Variants in MEGF9 observed in about 807,000 individuals in gnomAD.
The protein encoded by MEGF9 is multiple EGF like domains 9.
MEGF9 carries 6 observed loss-of-function variants against 46.8 expected under a neutral mutation model. The observed-to-expected ratio is 0.13, with a 90% CI of 0.07 to 0.25. MEGF9 has a LOEUF of 0.25. MEGF9 is among the 10% of genes least tolerant of loss of function. The probability of loss-of-function intolerance (pLI) is 1.00; values close to 1 mark genes in which losing one functional copy is unlikely to be tolerated. For synonymous variants in MEGF9, 302 were observed against 330.7 expected, an observed-to-expected ratio of 0.91 and a Z score of 0.94; for missense variants, 683 against 792.4, an observed-to-expected ratio of 0.86 and a Z score of 1.66.
intron 3 of MEGF9, among the ~76,000 whole-genome samples, chr9:120,618,531 C>T (rs901935203): frequency 3.9e-5 from 6 of 152,142 alleles, no homozygotes; most frequent in Admixed American, 2.0e-4. Context: ...TTAAGGGAAA[C>T]GTGCTTAATA....
intron 1 of MEGF9, among the ~76,000 whole-genome samples, chr9:120,685,405 T>C (rs1460793097): frequency 2.0e-5 from 3 of 152,196 alleles, no homozygotes; most frequent in South Asian, 2.1e-4. Context: ...GTCAATAATA[T>C]ATCAAAAAAG....
chr9:120,673,214 A>C (rs1299201555), intron 1 of MEGF9, among the ~76,000 whole-genome samples: 1 of 152,236 alleles, frequency 6.6e-6, no homozygotes, highest in African/African-American at 2.4e-5. Flanking sequence ...AAAACATGAA[A>C]AAAGAAACAA....
At chr9:120,670,046 T>C (rs1001701274) in intron 1 of MEGF9, among the ~76,000 whole-genome samples, 8 of 152,226 alleles carry the variant, frequency 5.3e-5, no homozygotes, top group Admixed American at 2.0e-4. Context: ...GTCTAGATTA[T>C]AGAAAAATAT....
At chr9:120,633,213 A>C (rs1324041889) in intron 2 of MEGF9, among the ~76,000 whole-genome samples, 1 of 152,114 alleles carries the variant, frequency 6.6e-6, no homozygotes, top group Non-Finnish European at 1.5e-5. Context: ...TATGAATGCA[A>C]CCAGTGGGCT....
intron 1 of MEGF9, among the ~76,000 whole-genome samples, chr9:120,661,234 G>C (rs2043700263): frequency 6.6e-6 from 1 of 152,096 alleles, no homozygotes; most frequent in South Asian, 2.1e-4. Flanking sequence ...CAAATAAATA[G>C]ACCAGGCAGT....
intron 2 of MEGF9, among the ~76,000 whole-genome samples, chr9:120,646,661 G>A (rs554912104): frequency 2.0e-5 from 3 of 151,800 alleles, no homozygotes; most frequent in Non-Finnish European, 2.9e-5. Context: ...TTGTGATGTG[G>A]GTCAATTTTT....
At chr9:120,708,395 A>C (rs929285158) in intron 1 of MEGF9, among the ~76,000 whole-genome samples, 2 of 152,170 alleles carry the variant, frequency 1.3e-5, no homozygotes, top group Non-Finnish European at 1.5e-5. Flanking sequence ...CAAACAAACA[A>C]AAATAAATAA....
chr9:120,628,720 CTT>C lies in MEGF9; in HGVS notation c.804-5967_804-5966del, dbSNP rs531478526. 1.2e-4 allele frequency among the ~76,000 whole-genome samples: 19 copies of C among 152,038 alleles called. No homozygotes were observed. In the South Asian group the frequency reaches 3.5e-3, roughly 28 times the overall value. On this transcript the variant is annotated intron_variant, in intron 2 of 5. Transcript: ENST00000373930. ...ACCTGATCTTTGCCCAGGAGGGAGA[CTT>C]TATTTTTATTATATTGGACAGTGGC...
At chr9:120,696,412 C>T (rs142380912) in intron 1 of MEGF9, among the ~76,000 whole-genome samples, 1,627 of 152,252 alleles carry the variant, frequency 0.011, 30 homozygotes, top group African/African-American at 0.034. Context: ...TGAAACCCTG[C>T]TTTGTGTATT....
rs2132293637 is a variant in MEGF9, at chr9:120,600,994, C to A, written c.*4196G>T. The A allele has an allele frequency of 6.6e-6, 1 of 152,654 alleles. No individual in the cohort carries two copies. The highest frequency in any genetic ancestry group is 2.4e-5 in the African/African-American group (1 of 41,524). 9.5% of individuals were successfully genotyped at this position (152,654 alleles called of 1,614,324 possible). A position where few individuals can be genotyped will look rare whatever the true frequency, so the allele number is the denominator to read the frequency against. On this transcript the variant is annotated 3_prime_UTR_variant, in exon 6 of 6. Transcript: ENST00000373930. ...TCTTGTATAAATTCTTTCATATATT[C>A]AAATCATACACAAATTTAGAAATGC...
intron 2 of MEGF9, among the ~76,000 whole-genome samples, chr9:120,656,501 C>T (rs1184798460): frequency 2.2e-5 from 3 of 134,098 alleles, no homozygotes; most frequent in East Asian, 4.6e-4. Context: ...GAGCCAAGAT[C>T]GTGCCACTGC....
chr9:120,641,436 T>C (rs2043602505), intron 2 of MEGF9, among the ~76,000 whole-genome samples: 2 of 152,170 alleles, frequency 1.3e-5, no homozygotes, highest in African/African-American at 4.8e-5. Context: ...GCTTATACAA[T>C]TCTCATAAAA....
chr9:120,680,836 C>T lies in MEGF9; in HGVS notation c.602-21261G>A, dbSNP rs2043795794. Reference sequence around the variant, plus strand: ...CACCACCACCACTGGTTCTGCCAGGCCACTGTCGATGTTCATTTAAGGCCC... The same window carrying T: ...CACCACCACCACTGGTTCTGCCAGGTCACTGTCGATGTTCATTTAAGGCCC... On this transcript the variant is annotated intron_variant, in intron 1 of 5. Transcript: ENST00000373930. Among the ~76,000 whole-genome samples the T allele has an allele frequency of 4.6e-5, 7 of 152,302 alleles. 1 individual carries two copies. In the South Asian group the frequency reaches 1.4e-3, roughly 32 times the overall value.
chr9:120,613,833 A>G (rs2043459583), intron 3 of MEGF9, among the ~76,000 whole-genome samples: 1 of 152,212 alleles, frequency 6.6e-6, no homozygotes, highest in Non-Finnish European at 1.5e-5. Context: ...TTACAAAGTA[A>G]GCTAACTACA....
chr9:120,633,128 C>A (rs1391048806), intron 2 of MEGF9, among the ~76,000 whole-genome samples: 2 of 152,064 alleles, frequency 1.3e-5, no homozygotes, highest in Non-Finnish European at 2.9e-5. Context: ...GGAGAATTCC[C>A]TTCTCTTTGA....
chr9:120,639,005 T>C (rs2043590754), intron 2 of MEGF9, among the ~76,000 whole-genome samples: 1 of 152,188 alleles, frequency 6.6e-6, no homozygotes, highest in Non-Finnish European at 1.5e-5. Flanking sequence ...TGACATTGAC[T>C]TGTAAAAATT....
rs2043505038 is a variant in MEGF9 at position 120,622,602 on chromosome 9, AG to A, written c.943+13del. ...GTGGAATAATTACATGACAAAGTTA[AG>A]GAAAGTACGTACCTGTGAGGGCATC... On this transcript the variant is annotated intron_variant, in intron 3 of 5. Transcript: ENST00000373930. 6.2e-7 allele frequency: 1 copy of A among 1,612,760 alleles called. No homozygotes were observed. The highest frequency in any genetic ancestry group is 8.5e-7 in the Non-Finnish European group (1 of 1,179,456).
At chr9:120,663,926 TGAA>T (rs1389547130) in intron 1 of MEGF9, among the ~76,000 whole-genome samples, 1 of 152,186 alleles carries the variant, frequency 6.6e-6, no homozygotes, top group South Asian at 2.1e-4. Flanking sequence ...ATTTTCACCC[TGAA>T]GAAGAATAAG....
chr9:120,637,609 T>C (rs1219752008), intron 2 of MEGF9, among the ~76,000 whole-genome samples: 2 of 151,110 alleles, frequency 1.3e-5, no homozygotes, highest in Non-Finnish European at 3.0e-5. Flanking sequence ...TTGGCCAAGA[T>C]GGTGTTACCC....
Sources: gnomAD v4.1 joint callset for allele counts (sites outside exome capture counted in the v4.1 genomes callset) on GRCh38, gnomAD v4.1.1 for gene constraint, MANE v1.5 for transcripts, NCBI Gene and HGNC (gene_info 2026-07-23, HGNC 2026-07-21) for gene names.